Variants in SSU72 observed in about 807,000 individuals in gnomAD.
SSU72 encodes the protein RNA polymerase II subunit A C-terminal domain phosphatase SSU72.
SSU72 carries 12 observed loss-of-function variants against 22.7 expected under a neutral mutation model. The ratio of observed to expected loss-of-function variants is 0.53; its 90% CI spans 0.34 to 0.86. The LOEUF is 0.86. Among genes scored for constraint, SSU72 ranks in the 40% least tolerant of loss-of-function variants. The pLI is 0.02. For synonymous variants in SSU72, 116 were observed against 98.3 expected, an observed-to-expected ratio of 1.18 and a Z score of -1.06; for missense variants, 151 against 249.8, an observed-to-expected ratio of 0.60 and a Z score of 2.67.
intron 1 of SSU72, among the ~76,000 whole-genome samples, chr1:1,568,844 G>C (rs1158696410): frequency 1.3e-5 from 2 of 151,364 alleles, no homozygotes; most frequent in Admixed American, 1.3e-4. Context: ...ATACCAGCCT[G>C]GGCAACACAG....
In SSU72 at chr1:1,574,567, C is replaced by T. The variant is rs752341510; in HGVS notation, c.-10G>A. On this transcript the variant is annotated 5_prime_UTR_variant, in exon 1 of 5. Transcript: ENST00000291386. ...GCGGGGACGACGGCATGGCGGCGGC[C>T]GCAAATCCCGCGGCTCTCCCGCTTG... The T allele has an allele frequency of 1.3e-6, 2 of 1,581,616 alleles. No homozygotes were observed. Among genetic ancestry groups the T allele is most frequent in the Non-Finnish European group, 1.7e-6 (2 of 1,167,176 alleles).
At chr1:1,574,266 C>T (rs1456932364) in intron 1 of SSU72, among the ~76,000 whole-genome samples, 1 of 152,026 alleles carries the variant, frequency 6.6e-6, no homozygotes, top group African/African-American at 2.4e-5. Flanking sequence ...GGACAGCGGG[C>T]GCCTCGTCCC....
At chr1:1,567,944 CCAGGAT>C (rs1642682620) in intron 1 of SSU72, among the ~76,000 whole-genome samples, 3 of 144,362 alleles carry the variant, frequency 2.1e-5, no homozygotes, top group Admixed American at 7.0e-5. Flanking sequence ...ACAAAGAAGC[CCAGGAT>C]CAGCGTGATC....
chr1:1,574,331 C>G, intron 1 of SSU72, 147 bp downstream of exon 1: 2 of 786,950 alleles, frequency 2.5e-6, no homozygotes, highest in Non-Finnish European at 4.0e-6. Context: ...GCGCTGCCGT[C>G]CAGCTGCCAT....
chr1:1,551,557 A>AG (rs3835461), intron 2 of SSU72, among the ~76,000 whole-genome samples: 75,571 of 151,972 alleles, frequency 0.5, 23,678 homozygotes, highest in East Asian at 0.87. Context: ...CTGTACACTC[A>AG]GATTCCCAGA....
intron 1 of SSU72, among the ~76,000 whole-genome samples, chr1:1,567,480 C>G (rs1361023515): frequency 6.6e-6 from 1 of 152,178 alleles, no homozygotes; most frequent in African/African-American, 2.4e-5. Context: ...TCCTGACATT[C>G]AGTCATAACC....
intron 2 of SSU72, among the ~76,000 whole-genome samples, chr1:1,550,979 C>T (rs976196599): frequency 6.6e-6 from 1 of 152,042 alleles, no homozygotes; most frequent in Non-Finnish European, 1.5e-5. Flanking sequence ...ACATCCACCC[C>T]CCAGAAAGCT....
chr1:1,574,384 C>T lies in SSU72; in HGVS notation c.80+94G>A, dbSNP rs1642780844. The T allele has an allele frequency of 5.8e-6, 8 of 1,391,038 alleles. No individual in the cohort carries two copies. In the South Asian group the frequency reaches 9.0e-5, roughly 16 times the overall value. The allele number at this position is 1,391,038 out of a possible 1,614,324, so 86.2% of individuals were successfully genotyped here. A position where few individuals can be genotyped will look rare whatever the true frequency, so the allele number is the denominator to read the frequency against. On this transcript the variant is annotated intron_variant, in intron 1 of 4. Coordinates refer to ENST00000291386, the MANE Select transcript of SSU72 (RefSeq NM_014188.3). ...CGAGCGCGGCCCGGCCCGGCTTCCT[C>T]TCAGGGGTCCTGGCGCGGGCCAGGG...
At chr1:1,566,656 G>T (rs1334771615) in intron 1 of SSU72, among the ~76,000 whole-genome samples, 1 of 152,146 alleles carries the variant, frequency 6.6e-6, no homozygotes, top group East Asian at 1.9e-4. Flanking sequence ...ATCAAGACCA[G>T]CCTGGCTAAC....
chr1:1,551,727 A>C (rs1348524048), intron 2 of SSU72, among the ~76,000 whole-genome samples: 3 of 152,340 alleles, frequency 2.0e-5, no homozygotes, highest in Middle Eastern at 6.8e-3. Context: ...CGTGGGACAC[A>C]GCACCCATGT....
At chr1:1,559,814 T>C (rs529912497) in intron 2 of SSU72, among the ~76,000 whole-genome samples, 28 of 152,114 alleles carry the variant, frequency 1.8e-4, no homozygotes, top group African/African-American at 5.1e-4. Flanking sequence ...GCAACCTCCA[T>C]CTCCCAGGTT....
At chr1:1,547,823 G>A (rs796561224) in intron 2 of SSU72, among the ~76,000 whole-genome samples, 25 of 152,336 alleles carry the variant, frequency 1.6e-4, no homozygotes, top group African/African-American at 5.3e-4. Context: ...AAGTACTGCC[G>A]GGCGGGAGGA....
At chr1:1,563,009 A>G (rs1642613771) in intron 2 of SSU72, 1 of 152,472 alleles carries the variant, frequency 6.6e-6, no homozygotes, top group African/African-American at 2.4e-5. Context: ...TGGGACGCCC[A>G]GATGGCTCGG....
At position 1,542,299 on chromosome 1, in the gene SSU72, C is replaced by G; in HGVS notation, c.484-132G>C. The G allele has an allele frequency of 2.5e-6, 2 of 814,370 alleles. No individual in the cohort carries two copies. Among genetic ancestry groups the G allele is most frequent in the Non-Finnish European group, 3.9e-6 (2 of 515,472 alleles). The allele number at this position is 814,370 out of a possible 1,614,324, so 50.4% of individuals were successfully genotyped here. ...CGCAGCAGGCAGGCCCTCACCCCAC[C>G]GCTGCTGCCTCACAAGGACGGCCGG... is the stretch of plus-strand genomic sequence containing the variant. On this transcript the variant is annotated intron_variant, in intron 4 of 4. Transcript: ENST00000291386. This position sits in a 1 kb window ranked among gnomAD's most constrained non-coding sequence, Gnocchi z 4.4.
intron 1 of SSU72, among the ~76,000 whole-genome samples, chr1:1,570,879 A>G (rs989522815): frequency 6.6e-6 from 1 of 152,074 alleles, no homozygotes; most frequent in Non-Finnish European, 1.5e-5. Flanking sequence ...TGGGAGGCCA[A>G]GGCGGGCAGA....
intron 1 of SSU72, among the ~76,000 whole-genome samples, chr1:1,572,618 G>T (rs1473839581): frequency 6.7e-6 from 1 of 150,132 alleles, no homozygotes; most frequent in African/African-American, 2.4e-5. Context: ...CACCACGCCC[G>T]GCTAATTTTT....
At chr1:1,567,079 AC>A (rs1557505493) in intron 1 of SSU72, among the ~76,000 whole-genome samples, 1 of 152,210 alleles carries the variant, frequency 6.6e-6, no homozygotes, top group Admixed American at 6.5e-5. Context: ...CAGGATGCCC[AC>A]TGCCGGCCTT....
Position 1,564,759 on chromosome 1 carries a change from A to G in SSU72, c.224+14T>C. 1 of 1,614,172 alleles carries G rather than the reference A, an allele frequency of 6.2e-7. No homozygotes were observed. Among genetic ancestry groups the G allele is most frequent in the South Asian group, 1.1e-5 (1 of 91,086 alleles). ...CCACACGGGGGGTTTTTAAAGGGCAACCCGCTGGGATACAGTTCTTTGTCT... is the reference window on the plus strand; with the variant it reads ...CCACACGGGGGGTTTTTAAAGGGCAGCCCGCTGGGATACAGTTCTTTGTCT... On this transcript the variant is annotated intron_variant, in intron 2 of 4. Transcript: ENST00000291386.
chr1:1,556,597 G>T (rs1386848088), intron 2 of SSU72, among the ~76,000 whole-genome samples: 1 of 152,110 alleles, frequency 6.6e-6, no homozygotes, highest in Non-Finnish European at 1.5e-5. Flanking sequence ...AAGCACAGAG[G>T]CTGCACAAAC....
Sources: gnomAD v4.1 joint callset for allele counts (sites outside exome capture counted in the v4.1 genomes callset) on GRCh38, gnomAD v4.1.1 for gene constraint, Gnocchi (gnomAD v3.1) non-coding constraint, MANE v1.5 for transcripts, NCBI Gene and HGNC (gene_info 2026-07-23, HGNC 2026-07-21) for gene names.